The following ZFHX3 variants were observed in gnomAD, a reference collection of about 807,000 sequenced individuals.
ZFHX3 encodes zinc finger homeobox 3, also known as zinc finger homeobox protein 3.
In ZFHX3, 42 loss-of-function variants were observed where a neutral mutation model predicts 279.1. That is an observed-to-expected ratio of 0.15 (90% CI 0.12 to 0.19). ZFHX3 has a LOEUF of 0.19. Ranked by LOEUF, ZFHX3 falls within the 10% of genes least tolerant of loss-of-function variation. ZFHX3 has a pLI of 1.00. For missense variants in ZFHX3, 4,981 were observed against 4,754.0 expected, an observed-to-expected ratio of 1.05 and a Z score of -1.40; for synonymous variants, 2,293 against 1,957.8, an observed-to-expected ratio of 1.17 and a Z score of -4.52.
At chr16:72,878,657 T>C (rs936777265) in intron 4 of ZFHX3, among the ~76,000 whole-genome samples, 4 of 152,240 alleles carry the variant, frequency 2.6e-5, no homozygotes, top group Admixed American at 6.5e-5. Flanking sequence ...CACACTGTTA[T>C]CTAGACACAA....
intron 1 of ZFHX3, among the ~76,000 whole-genome samples, chr16:73,821,153 C>T (rs1404970026): frequency 2.6e-5 from 4 of 152,306 alleles, no homozygotes; most frequent in South Asian, 4.1e-4. Context: ...AGCCCCAAGA[C>T]AGAAGACATG....
intron 1 of ZFHX3, among the ~76,000 whole-genome samples, chr16:73,740,934 A>G (rs1446364779): frequency 6.6e-6 from 1 of 152,202 alleles, no homozygotes; most frequent in Admixed American, 6.5e-5. Flanking sequence ...TGAGATGGCC[A>G]AAGTATCTAT....
intron 4 of ZFHX3, among the ~76,000 whole-genome samples, chr16:73,269,932 G>C (rs1286466658): frequency 1.3e-5 from 2 of 151,988 alleles, no homozygotes; most frequent in African/African-American, 4.8e-5. Context: ...ATTTGTAGTA[G>C]AGATGGAGTT....
intron 1 of ZFHX3, among the ~76,000 whole-genome samples, chr16:73,891,233 C>T (rs972458253): frequency 1.3e-5 from 2 of 152,132 alleles, no homozygotes; most frequent in Admixed American, 6.5e-5. Flanking sequence ...CCAATCCCCA[C>T]CTCTCCCCCC....
intron 1 of ZFHX3, among the ~76,000 whole-genome samples, chr16:72,977,439 T>C (rs1321836987): frequency 2.0e-5 from 3 of 152,158 alleles, no homozygotes; most frequent in Non-Finnish European, 1.5e-5. Flanking sequence ...TTATGGGGAA[T>C]GCTGCAGAGA....
intron 7 of ZFHX3, among the ~76,000 whole-genome samples, chr16:72,808,594 T>C (rs1052894296): frequency 7.2e-5 from 11 of 152,222 alleles, no homozygotes; most frequent in African/African-American, 2.4e-4. Context: ...TGACTTCCTA[T>C]TACAAGTGCA....
At chr16:72,898,303 CA>C (rs967135262) in intron 3 of ZFHX3, among the ~76,000 whole-genome samples, 1 of 152,136 alleles carries the variant, frequency 6.6e-6, no homozygotes, top group Non-Finnish European at 1.5e-5. Context: ...TCCCTTAGAT[CA>C]ATCCATTTGG....
At chr16:73,413,417 G>T (rs767745386) in intron 3 of ZFHX3, among the ~76,000 whole-genome samples, 1 of 152,162 alleles carries the variant, frequency 6.6e-6, no homozygotes, top group Non-Finnish European at 1.5e-5. Flanking sequence ...GAGGGCTCTG[G>T]GCACCTTGCG....
At chr16:72,848,166 G>C (rs979053237) in intron 4 of ZFHX3, among the ~76,000 whole-genome samples, 8 of 152,184 alleles carry the variant, frequency 5.3e-5, no homozygotes, top group African/African-American at 1.7e-4. Flanking sequence ...AGGGGGAATG[G>C]AGGGCAGGCG....
chr16:73,068,366 G>A lies in ZFHX3; in HGVS notation c.-532-9354C>T, dbSNP rs147006229. On this transcript the variant is annotated intron_variant, in intron 8 of 17. Coordinates refer to the ZFHX3 transcript ENST00000641206. The stretch of plus-strand genomic sequence containing the variant: ...AGGCGCAGGAAATAAAAATATTCCC[G>A]GAAGGGTGCTCTGGTTTTGTATGGA... 9.1e-4 allele frequency among the ~76,000 whole-genome samples: 138 copies of A among 152,276 alleles called. 3 individuals carry two copies. The East Asian group carries it at 0.024, about 26-fold the overall frequency.
chr16:73,412,612 T>C (rs930748140), intron 3 of ZFHX3, among the ~76,000 whole-genome samples: 2 of 152,202 alleles, frequency 1.3e-5, no homozygotes, highest in African/African-American at 4.8e-5. Flanking sequence ...AGACTGCCGA[T>C]GGCCTGAGAG....
intron 2 of ZFHX3, among the ~76,000 whole-genome samples, chr16:73,601,426 C>T (rs2052115939): frequency 2.0e-5 from 3 of 150,630 alleles, no homozygotes; most frequent in Admixed American, 6.6e-5. Context: ...GCCGAGATCA[C>T]GCCGCTGCAC....
intron 2 of ZFHX3, among the ~76,000 whole-genome samples, chr16:73,629,287 C>T (rs975714248): frequency 3.3e-5 from 5 of 151,974 alleles, no homozygotes; most frequent in Admixed American, 6.6e-5. Context: ...TCAGAAGGAT[C>T]GAGATTGCCC....
At chr16:73,428,363 A>G (rs563280312) in intron 3 of ZFHX3, among the ~76,000 whole-genome samples, 1 of 152,110 alleles carries the variant, frequency 6.6e-6, no homozygotes, top group African/African-American at 2.4e-5. Context: ...TGAGCTTCCC[A>G]TTCTGGCAGC....
At chr16:73,839,468 AG>A (rs1271920623) in intron 1 of ZFHX3, among the ~76,000 whole-genome samples, 1 of 151,788 alleles carries the variant, frequency 6.6e-6, no homozygotes, top group African/African-American at 2.4e-5. Flanking sequence ...AAGAGCCAAC[AG>A]GTTGGAAGAT....
chr16:72,959,382 C>G lies in ZFHX3; in HGVS notation c.764G>C (p.Cys255Ser). Residue 255 changes from cysteine (C) to serine (S), a missense_variant, in exon 2 of 10, where the codon TGC (cysteine) becomes TCC (serine). By Grantham distance (112) the Cys-to-Ser change is moderately radical. This residue lies in a region of ZFHX3 where 1,068 missense variants were observed against 935.2 expected (regional missense o/e 1.14). Transcript: ENST00000268489. ...LNSDGSAKSS[C>S]VSKDVPNNVD... ...ATTGTTGGGAACATCTTTGGATACG[C>G]AGGAGCTTTTGGCAGAACCGTCGCT... The G allele has an allele frequency of 6.2e-7, 1 of 1,614,234 alleles. No individual in the cohort carries two copies. The highest frequency in any genetic ancestry group is 8.5e-7 in the Non-Finnish European group (1 of 1,180,040).
At position 73,528,196 on chromosome 16, in the gene ZFHX3, G is replaced by A. The variant is rs903781241; in HGVS notation, c.-1546-71938C>T. Among the ~76,000 whole-genome samples the A allele has an allele frequency of 1.4e-4, 22 of 152,166 alleles. 1 individual carries two copies. Among genetic ancestry groups the A allele is most frequent in the African/African-American group, 5.1e-4 (21 of 41,440 alleles). On this transcript the variant is annotated intron_variant, in intron 2 of 17. Coordinates refer to the ZFHX3 transcript ENST00000641206. The stretch of plus-strand genomic sequence containing the variant: ...AAGGGAAATTCGATGCATTATCACT[G>A]TATTATGGGTATTTAATGTACACTA...
At chr16:72,988,406 T>C (rs1442955512) in intron 1 of ZFHX3, among the ~76,000 whole-genome samples, 1 of 152,232 alleles carries the variant, frequency 6.6e-6, no homozygotes, top group Non-Finnish European at 1.5e-5. Context: ...CTCCAGCCAC[T>C]GGATCAGGAA....
chr16:73,617,227 G>A (rs1170931334), intron 2 of ZFHX3, among the ~76,000 whole-genome samples: 1 of 152,236 alleles, frequency 6.6e-6, no homozygotes, highest in Non-Finnish European at 1.5e-5. Context: ...ATGACGGGCT[G>A]CTTATAAGGT....
Sources: allele counts gnomAD v4.1 joint callset (sites outside exome capture counted in the v4.1 genomes callset), GRCh38; gene constraint gnomAD v4.1.1; regional missense constraint gnomAD v4.1.1; transcripts MANE v1.5; gene names NCBI Gene and HGNC (gene_info 2026-07-23, HGNC 2026-07-21).